POM121C: variants seen among roughly 807,000 people sequenced by gnomAD.
POM121C encodes nuclear envelope pore membrane protein POM 121C.
POM121C carries 20 observed loss-of-function variants against 66.4 expected under a neutral mutation model. The ratio of observed to expected loss-of-function variants is 0.30; its 90% CI spans 0.21 to 0.44. The LOEUF (loss-of-function observed/expected upper bound fraction) is 0.44. POM121C is among the 20% of genes least tolerant of loss of function. The probability of loss-of-function intolerance (pLI) is 1.00; values close to 1 mark genes in which losing one functional copy is unlikely to be tolerated. For synonymous variants in POM121C, 286 were observed against 528.0 expected (o/e 0.54, Z 6.28); for missense variants, 580 against 1,225.7 (o/e 0.47, Z 7.87).
intron 13 of POM121C, 103 bp from the exon 14 acceptor site, chr7:75,419,545 T>G: frequency 7.3e-7 from 1 of 1,369,392 alleles, no homozygotes; most frequent in Non-Finnish European, 9.8e-7. Context: ...CACGGGACCC[T>G]CAGCCCCACT....
At chr7:75,471,069 C>T (rs587735467) in intron 3 of POM121C, among the ~76,000 whole-genome samples, 1 of 152,158 alleles carries the variant, frequency 6.6e-6, no homozygotes, top group Non-Finnish European at 1.5e-5. Flanking sequence ...CCCTCACTCT[C>T]CCCTTTGAAC....
intron 7 of POM121C, among the ~76,000 whole-genome samples, chr7:75,426,781 G>C (rs1348581665): frequency 2.1e-5 from 1 of 46,774 alleles, no homozygotes; most frequent in African/African-American, 1.1e-4. Flanking sequence ...CTGGGTGACA[G>C]AGTGAGACCC....
chr7:75,473,743 C>T (rs1791961756), intron 3 of POM121C, among the ~76,000 whole-genome samples: 1 of 151,272 alleles, frequency 6.6e-6, no homozygotes, highest in East Asian at 2.0e-4. Flanking sequence ...GGCTGGAGTG[C>T]AGTGGCGGGA....
At chr7:75,441,172 G>T (rs1790632605) in intron 4 of POM121C, 57 bp from the exon 5 acceptor site, 2 of 1,597,920 alleles carry the variant, frequency 1.3e-6, no homozygotes, top group South Asian at 2.2e-5. Context: ...TGCCACATCA[G>T]AAACGGAAAT....
In POM121C at chr7:75,417,282, C is replaced by T; in HGVS notation, c.*1514G>A. 1.0e-5 allele frequency: 9 copies of T among 858,308 alleles called. No homozygotes were observed. The highest frequency in any genetic ancestry group is 1.3e-5 in the Non-Finnish European group (9 of 713,722). 53.2% of individuals were successfully genotyped at this position (858,308 alleles called of 1,614,324 possible). A position where few individuals can be genotyped will look rare whatever the true frequency, so the allele number is the denominator to read the frequency against. On this transcript the variant is annotated 3_prime_UTR_variant, in exon 15 of 15. Transcript: ENST00000615331. ...GAGCTCTAGTCCCCCAGGAAAGCTG[C>T]CGGGGACAGCATTTGAGCCTCTTCT...
chr7:75,442,673 G>A, intron 3 of POM121C: 3 of 1,437,942 alleles, frequency 2.1e-6, no homozygotes, highest in Non-Finnish European at 2.7e-6. Context: ...ACTCGCTATC[G>A]GCCGCCGCCG....
chr7:75,485,726 G>A (rs1563163780), intron 1 of POM121C, 138 bp downstream of exon 1: 1 of 379,286 alleles, frequency 2.6e-6, no homozygotes, highest in Non-Finnish European at 5.2e-6. Flanking sequence ...GGTGCAGCCG[G>A]ACCCTGCCCT....
At chr7:75,480,755 T>C (rs1217699735) in intron 1 of POM121C, among the ~76,000 whole-genome samples, 2 of 152,082 alleles carry the variant, frequency 1.3e-5, no homozygotes, top group Admixed American at 1.3e-4. Flanking sequence ...TTAAACAGAC[T>C]TAAAAAGCAT....
At chr7:75,480,598 G>A (rs1409768756) in intron 1 of POM121C, among the ~76,000 whole-genome samples, 3 of 152,082 alleles carry the variant, frequency 2.0e-5, no homozygotes, top group Non-Finnish European at 4.4e-5. Context: ...ATAAATTTAA[G>A]AGGTTCCATG....
chr7:75,465,887 C>T (rs1187978892), intron 3 of POM121C, among the ~76,000 whole-genome samples: 1 of 107,760 alleles, frequency 9.3e-6, no homozygotes, highest in Non-Finnish European at 1.7e-5. Context: ...CAGAGTGACA[C>T]CCTGTCTCAA....
rs1308270606 is a variant in POM121C at position 75,423,943 on chromosome 7, G to A, written c.1048+106C>T. Reference sequence around the variant, plus strand: ...CGGTGTGCTGAGCCAGGGTGCGTTCGGCCTGCAGAGCAATCTCCAGCGACT... The same window carrying A: ...CGGTGTGCTGAGCCAGGGTGCGTTCAGCCTGCAGAGCAATCTCCAGCGACT... On this transcript the variant is annotated intron_variant, in intron 12 of 14. Transcript: ENST00000615331. 21 of 1,517,420 alleles carry A rather than the reference G, an allele frequency of 1.4e-5. No individual in the cohort carries two copies. In the Middle Eastern group the frequency reaches 7.2e-4, roughly 52 times the overall value. The allele number at this position is 1,517,420 out of a possible 1,614,324, so 94.0% of individuals were successfully genotyped here.
intron 3 of POM121C, among the ~76,000 whole-genome samples, chr7:75,448,425 T>C (rs1184482871): frequency 2.0e-5 from 3 of 146,866 alleles, no homozygotes; most frequent in African/African-American, 7.6e-5. Flanking sequence ...TTAAATCTCT[T>C]TAAAATATAA....
chr7:75,468,148 AAAAAG>A (rs1317249832), intron 3 of POM121C, among the ~76,000 whole-genome samples: 22 of 142,206 alleles, frequency 1.5e-4, no homozygotes, highest in African/African-American at 5.9e-4. Context: ...AAAAAAAAAA[AAAAAG>A]AAAAGAAAAG....
At chr7:75,439,073 T>C in intron 6 of POM121C, 71 bp downstream of exon 6, 1 of 1,538,928 alleles carries the variant, frequency 6.5e-7, no homozygotes, top group Non-Finnish European at 8.9e-7. Context: ...GAGGAAAATC[T>C]ATAGGGCAAC....
intron 3 of POM121C, among the ~76,000 whole-genome samples, chr7:75,467,143 C>T (rs1488153166): frequency 1.3e-5 from 2 of 152,152 alleles, no homozygotes; most frequent in African/African-American, 4.8e-5. Flanking sequence ...TCTTGCTTGG[C>T]CAGTTTTAGA....
intron 3 of POM121C, among the ~76,000 whole-genome samples, chr7:75,460,364 T>C (rs1437348580): frequency 6.6e-6 from 1 of 151,834 alleles, no homozygotes; most frequent in Admixed American, 6.6e-5. Context: ...TAGCCAGGCA[T>C]GGTGGCACAT....
Position 75,432,112 on chromosome 7 carries a change from G to C in POM121C, c.480+5403C>G, listed in dbSNP as rs1376982538. On this transcript the variant is annotated intron_variant, in intron 7 of 14. Coordinates refer to ENST00000615331, the MANE Select transcript of POM121C (RefSeq NM_001099415.3). ...GAGGCAGCAGAATAGCTGAACCCAG[G>C]AGGTGGAGGTTGCAGTGAGCCGAGA... is the stretch of plus-strand genomic sequence containing the variant. 3.3e-5 allele frequency among the ~76,000 whole-genome samples: 5 copies of C among 150,922 alleles called. No individual in the cohort carries two copies. The East Asian group carries it at 9.7e-4, about 29-fold the overall frequency.
intron 3 of POM121C, among the ~76,000 whole-genome samples, chr7:75,457,924 G>T (rs1312582352): frequency 6.6e-6 from 1 of 152,220 alleles, no homozygotes; most frequent in Admixed American, 6.5e-5. Context: ...TTATTAAAAA[G>T]CTTTAAAGCA....
chr7:75,475,231 GA>G lies in POM121C; in HGVS notation c.-457-44del, dbSNP rs1452206682. On this transcript the variant is annotated intron_variant, in intron 1 of 14. Coordinates refer to ENST00000615331, the MANE Select transcript of POM121C (RefSeq NM_001099415.3). The stretch of plus-strand genomic sequence containing the variant: ...TCAGAATTGGGAGATATGGAAAAGG[GA>G]TAGGGGGATAACATTTTACAAAGCT... The G allele has an allele frequency of 1.0e-3, 1,093 of 1,089,772 alleles. 1 individual carries two copies. The highest frequency in any genetic ancestry group is 1.5e-3 in the Admixed American group (74 of 49,540). 67.5% of individuals were successfully genotyped at this position (1,089,772 alleles called of 1,614,324 possible).
Sources: allele counts gnomAD v4.1 joint callset (sites outside exome capture counted in the v4.1 genomes callset), GRCh38; gene constraint gnomAD v4.1.1; transcripts MANE v1.5; gene names NCBI Gene and HGNC (gene_info 2026-07-23, HGNC 2026-07-21).